FHIT: variants seen among roughly 807,000 people sequenced by gnomAD.
The protein encoded by FHIT is bis(5'-adenosyl)-triphosphatase.
A neutral mutation model predicts 17.9 loss-of-function variants in FHIT; 19 were observed. That is an observed-to-expected ratio of 1.06 (90% confidence interval 0.74 to 1.56). The LOEUF (loss-of-function observed/expected upper bound fraction) is 1.56. Ranked by LOEUF, FHIT falls within the 40% of genes most tolerant of loss-of-function variation. The pLI is 0.00. For synonymous variants in FHIT, 81 were observed against 69.7 expected (o/e 1.16, Z -0.81); for missense variants, 248 against 189.2 (o/e 1.31, Z -1.82).
At chr3:60,903,996 G>GTACT (rs1190311176) in intron 3 of FHIT, among the ~76,000 whole-genome samples, 3 of 152,184 alleles carry the variant, frequency 2.0e-5, no homozygotes, top group Admixed American at 2.0e-4. Flanking sequence ...AGGATCCAAG[G>GTACT]TACTTAGGGT....
At chr3:59,772,183 C>T (rs1160984885) in intron 8 of FHIT, among the ~76,000 whole-genome samples, 1 of 152,162 alleles carries the variant, frequency 6.6e-6, no homozygotes, top group Non-Finnish European at 1.5e-5. Flanking sequence ...ATTCCAGGCC[C>T]CACATAAAGC....
At chr3:60,747,751 C>T (rs895111107) in intron 4 of FHIT, among the ~76,000 whole-genome samples, 8 of 152,244 alleles carry the variant, frequency 5.3e-5, no homozygotes, top group African/African-American at 1.9e-4. Flanking sequence ...TCAACAACAA[C>T]CCTGTAACTT....
intron 5 of FHIT, among the ~76,000 whole-genome samples, chr3:60,250,205 T>A (rs1224145866): frequency 6.6e-6 from 1 of 152,166 alleles, no homozygotes; most frequent in Non-Finnish European, 1.5e-5. Context: ...CACCTACAGC[T>A]GAGCAAGATA....
chr3:60,064,422 C>T (rs1325491031), intron 5 of FHIT, among the ~76,000 whole-genome samples: 1 of 152,188 alleles, frequency 6.6e-6, no homozygotes, highest in Non-Finnish European at 1.5e-5. Flanking sequence ...CCACTGCCAT[C>T]TCTATCTTGC....
intron 5 of FHIT, among the ~76,000 whole-genome samples, chr3:60,477,311 G>A (rs1239141449): frequency 6.6e-6 from 1 of 151,870 alleles, no homozygotes; most frequent in Admixed American, 6.6e-5. Context: ...ACAAAATGAA[G>A]GCTACTAAGA....
chr3:60,685,721 A>G (rs115328613), intron 4 of FHIT, among the ~76,000 whole-genome samples: 1,920 of 152,262 alleles, frequency 0.013, 36 homozygotes, highest in African/African-American at 0.044. Flanking sequence ...CTATTTACAT[A>G]CAATATGGAA....
intron 2 of FHIT, among the ~76,000 whole-genome samples, chr3:61,174,261 T>C (rs1047207621): frequency 6.6e-6 from 1 of 152,206 alleles, no homozygotes; most frequent in East Asian, 1.9e-4. Context: ...TCTGCATCCA[T>C]TGCTTATGGT....
At chr3:60,845,958 G>A (rs1337060339) in intron 3 of FHIT, among the ~76,000 whole-genome samples, 1 of 152,174 alleles carries the variant, frequency 6.6e-6, no homozygotes, top group East Asian at 1.9e-4. Context: ...AAAGGTATCA[G>A]AGAAAAATAA....
At chr3:60,455,034 G>C (rs1041660561) in intron 5 of FHIT, among the ~76,000 whole-genome samples, 1 of 151,962 alleles carries the variant, frequency 6.6e-6, no homozygotes, top group Non-Finnish European at 1.5e-5. Flanking sequence ...TATAGTATGA[G>C]TACCTTGAGA....
chr3:59,970,874 A>G lies in FHIT; in HGVS notation c.279+40497T>C, dbSNP rs546900130. Among the ~76,000 whole-genome samples, 3 of 151,050 alleles carry G rather than the reference A, an allele frequency of 2.0e-5. No homozygotes were observed. In the South Asian group the frequency reaches 6.3e-4, roughly 32 times the overall value. On this transcript the variant is annotated intron_variant, in intron 7 of 9. Coordinates refer to ENST00000492590, the MANE Select transcript of FHIT (RefSeq NM_002012.4). ...TTTCATTTCTAAAATTTCTACATTC[A>G]ATCAGGGTTTAACCGGTGAACTAGT...
chr3:60,153,563 T>C (rs1471581986), intron 5 of FHIT, among the ~76,000 whole-genome samples: 1 of 152,166 alleles, frequency 6.6e-6, no homozygotes, highest in Admixed American at 6.5e-5. Flanking sequence ...TCTCAGTCAA[T>C]TGCCATGGGG....
intron 2 of FHIT, among the ~76,000 whole-genome samples, chr3:61,118,181 G>A (rs1294119011): frequency 6.6e-6 from 1 of 152,170 alleles, no homozygotes; most frequent in Non-Finnish European, 1.5e-5. Context: ...ATTCAGAAAA[G>A]CTGAAGGCCC....
intron 5 of FHIT, among the ~76,000 whole-genome samples, chr3:60,103,151 T>A (rs575514867): frequency 1.9e-4 from 29 of 152,268 alleles, no homozygotes; most frequent in Non-Finnish European, 3.7e-4. Flanking sequence ...TCTCTCTCAG[T>A]TTTACCCCCT....
At chr3:61,101,651 G>C (rs895170084) in intron 2 of FHIT, among the ~76,000 whole-genome samples, 8 of 152,030 alleles carry the variant, frequency 5.3e-5, no homozygotes, top group African/African-American at 1.9e-4. Context: ...GGGCAGGATG[G>C]GCATTTTAAT....
chr3:60,119,780 C>A (rs1350870963), intron 5 of FHIT, among the ~76,000 whole-genome samples: 1 of 152,110 alleles, frequency 6.6e-6, no homozygotes, highest in Non-Finnish European at 1.5e-5. Flanking sequence ...AAACTTCAAC[C>A]GTCCCTCCAG....
intron 5 of FHIT, among the ~76,000 whole-genome samples, chr3:60,041,956 G>A (rs1701457091): frequency 6.6e-6 from 1 of 151,806 alleles, no homozygotes; most frequent in African/African-American, 2.4e-5. Context: ...TAGCTTTTTG[G>A]AAAAATCCAC....
intron 7 of FHIT, among the ~76,000 whole-genome samples, chr3:59,993,733 A>G (rs965537301): frequency 6.6e-6 from 1 of 151,340 alleles, no homozygotes; most frequent in Admixed American, 6.6e-5. Context: ...CATTTTCTTG[A>G]TGTTGGAGGT....
At chr3:60,394,391 TC>T (rs1354543958) in intron 5 of FHIT, among the ~76,000 whole-genome samples, 15 of 152,056 alleles carry the variant, frequency 9.9e-5, no homozygotes. Flanking sequence ...ATTCTTTAAA[TC>T]AAAAAACAGT....
intron 5 of FHIT, among the ~76,000 whole-genome samples, chr3:60,052,801 AAT>A (rs1373079366): frequency 1.0e-4 from 15 of 148,448 alleles, no homozygotes; most frequent in Non-Finnish European, 2.2e-4. Flanking sequence ...TAGTATATAA[AAT>A]ATATAAGTAT....
Sources: gnomAD v4.1 joint callset for allele counts (sites outside exome capture counted in the v4.1 genomes callset) on GRCh38, gnomAD v4.1.1 for gene constraint, MANE v1.5 for transcripts, NCBI Gene and HGNC (gene_info 2026-07-23, HGNC 2026-07-21) for gene names.